Variants in MAGI1 observed in about 807,000 individuals in gnomAD.
The protein encoded by MAGI1 is membrane-associated guanylate kinase, WW and PDZ domain-containing protein 1.
A neutral mutation model predicts 139.9 loss-of-function variants in MAGI1; 58 were observed. That is an observed-to-expected ratio of 0.41 (90% CI 0.34 to 0.52). The LOEUF (loss-of-function observed/expected upper bound fraction) is 0.52. Among genes scored for constraint, MAGI1 ranks in the 20% least tolerant of loss-of-function variants. The pLI is 0.12. For missense variants in MAGI1, 1,874 were observed against 1,901.6 expected, an observed-to-expected ratio of 0.99 and a Z score of 0.27; for synonymous variants, 812 against 737.9, an observed-to-expected ratio of 1.10 and a Z score of -1.63.
intron 1 of MAGI1, among the ~76,000 whole-genome samples, chr3:65,796,108 G>A (rs551439519): frequency 8.6e-5 from 13 of 151,810 alleles, no homozygotes; most frequent in Admixed American, 3.3e-4. Context: ...ACAGGACTGC[G>A]GAGGATGGCG....
At chr3:65,681,038 T>C (rs2087558335) in intron 1 of MAGI1, among the ~76,000 whole-genome samples, 1 of 152,238 alleles carries the variant, frequency 6.6e-6, no homozygotes, top group East Asian at 1.9e-4. Context: ...TCCAGACCTA[T>C]TTAATCAATA....
chr3:65,807,286 G>T (rs1477452132), intron 1 of MAGI1, among the ~76,000 whole-genome samples: 2 of 152,146 alleles, frequency 1.3e-5, no homozygotes, highest in Admixed American at 6.5e-5. Context: ...GTGGTGTCTG[G>T]CAAGGACTTC....
chr3:65,994,200 G>C (rs556446269), intron 1 of MAGI1, among the ~76,000 whole-genome samples: 1 of 140,634 alleles, frequency 7.1e-6, no homozygotes, highest in African/African-American at 2.7e-5. Flanking sequence ...CTTGAACCTG[G>C]AAAGCAGAGG....
intron 1 of MAGI1, among the ~76,000 whole-genome samples, chr3:65,646,971 C>G (rs1260471839): frequency 1.3e-5 from 2 of 151,756 alleles, no homozygotes; most frequent in Non-Finnish European, 2.9e-5. Context: ...CCTCAAGAAC[C>G]CACAAAAACA....
chr3:65,809,711 A>T (rs1001585942), intron 1 of MAGI1, among the ~76,000 whole-genome samples: 2 of 152,202 alleles, frequency 1.3e-5, no homozygotes, highest in Non-Finnish European at 2.9e-5. Context: ...TTGCCCAGAT[A>T]AAAAGTGGCG....
At chr3:65,745,744 C>CG (rs1056349522) in intron 1 of MAGI1, among the ~76,000 whole-genome samples, 142 of 152,222 alleles carry the variant, frequency 9.3e-4, no homozygotes, top group Non-Finnish European at 1.6e-3. Flanking sequence ...GTTTTTCCCC[C>CG]CTTGAGGTAG....
At chr3:66,009,932 T>C (rs143808382) in intron 1 of MAGI1, among the ~76,000 whole-genome samples, 1 of 151,662 alleles carries the variant, frequency 6.6e-6, no homozygotes, top group Non-Finnish European at 1.5e-5. Flanking sequence ...AAAAATGAGA[T>C]GGGTATGCTG....
At chr3:65,504,719 A>G (rs2107715239) in intron 2 of MAGI1, among the ~76,000 whole-genome samples, 1 of 152,202 alleles carries the variant, frequency 6.6e-6, no homozygotes, top group African/African-American at 2.4e-5. Context: ...CTTCCCCACA[A>G]CCTCTTTGAT....
chr3:65,812,628 A>C (rs1008483323), intron 1 of MAGI1, among the ~76,000 whole-genome samples: 7 of 151,440 alleles, frequency 4.6e-5, no homozygotes, highest in African/African-American at 1.7e-4. Flanking sequence ...GCAATGATAC[A>C]TTCTATGTTC....
intron 14 of MAGI1, chr3:65,387,123 A>G: frequency 3.7e-6 from 6 of 1,602,614 alleles, no homozygotes; most frequent in Non-Finnish European, 5.1e-6. Flanking sequence ...GAGAGACAAA[A>G]GTTTTCAGCG....
At chr3:65,924,793 T>C (rs912776556) in intron 1 of MAGI1, 1 of 152,360 alleles carries the variant, frequency 6.6e-6, no homozygotes, top group Admixed American at 6.5e-5. Flanking sequence ...CTCATAAGAC[T>C]GTTGTGGGAA....
intron 2 of MAGI1, among the ~76,000 whole-genome samples, chr3:65,602,044 C>T (rs1461766205): frequency 6.6e-6 from 1 of 152,088 alleles, no homozygotes; most frequent in African/African-American, 2.4e-5. Flanking sequence ...CCCATTCATA[C>T]CCACTAAAAT....
intron 1 of MAGI1, among the ~76,000 whole-genome samples, chr3:65,849,126 T>A (rs1440128354): frequency 6.9e-6 from 1 of 145,218 alleles, no homozygotes; most frequent in African/African-American, 2.5e-5. Context: ...AGGGTTCAAG[T>A]GACTCTCCTG....
intron 2 of MAGI1, among the ~76,000 whole-genome samples, chr3:65,609,052 T>G (rs2082898213): frequency 6.6e-6 from 1 of 152,042 alleles, no homozygotes; most frequent in Non-Finnish European, 1.5e-5. Context: ...TAATCCAGGG[T>G]GATAGCATCA....
At chr3:65,569,894 A>G (rs1272039705) in intron 2 of MAGI1, among the ~76,000 whole-genome samples, 1 of 151,744 alleles carries the variant, frequency 6.6e-6, no homozygotes, top group Admixed American at 6.6e-5. Context: ...AAAAAGTTTC[A>G]AGAATATTTA....
At chr3:65,861,051 A>T (rs544820905) in intron 1 of MAGI1, among the ~76,000 whole-genome samples, 1 of 152,240 alleles carries the variant, frequency 6.6e-6, no homozygotes, top group South Asian at 2.1e-4. Context: ...ATCTCCATGG[A>T]TGTGAGAGGG....
At chr3:65,926,048 A>G (rs910409779) in intron 1 of MAGI1, among the ~76,000 whole-genome samples, 2 of 152,220 alleles carry the variant, frequency 1.3e-5, no homozygotes, top group Admixed American at 1.3e-4. Flanking sequence ...GCAGATAAGT[A>G]AACTGAGGTG....
chr3:65,797,778 T>G (rs2040243198), intron 1 of MAGI1, among the ~76,000 whole-genome samples: 1 of 152,178 alleles, frequency 6.6e-6, no homozygotes, highest in Non-Finnish European at 1.5e-5. Flanking sequence ...TATTAATATT[T>G]AAGAACTTTG....
At chr3:65,635,901 G>A (rs1006879727) in intron 1 of MAGI1, among the ~76,000 whole-genome samples, 15 of 152,192 alleles carry the variant, frequency 9.9e-5, no homozygotes, top group Admixed American at 2.6e-4. Context: ...CATTCTGACT[G>A]CATTACAGTA....
Sources: gnomAD v4.1 joint callset for allele counts (sites outside exome capture counted in the v4.1 genomes callset) on GRCh38, gnomAD v4.1.1 for gene constraint, MANE v1.5 for transcripts, NCBI Gene and HGNC (gene_info 2026-07-23, HGNC 2026-07-21) for gene names.